The following NRXN1 variants were observed in gnomAD, a reference collection of about 807,000 sequenced individuals.
NRXN1 encodes the protein neurexin 1, also known as neurexin-1.
A neutral mutation model predicts 150.9 loss-of-function variants in NRXN1; 39 were observed. That is an observed-to-expected ratio of 0.26 (90% CI 0.20 to 0.34). NRXN1 has a LOEUF of 0.34. Ranked by LOEUF, NRXN1 falls within the 10% of genes least tolerant of loss-of-function variation. The pLI, the probability that NRXN1 is intolerant of heterozygous loss-of-function variation, is 1.00. For missense variants in NRXN1, 1,815 were observed against 1,949.9 expected (o/e 0.93, Z 1.30); for synonymous variants, 924 against 757.0 (o/e 1.22, Z -3.62).
At chr2:50,551,077 G>GAAGAAGAAGAAGAAGAAGAA (rs1553775815) in intron 9 of NRXN1, among the ~76,000 whole-genome samples, 38 of 52,362 alleles carry the variant, frequency 7.3e-4, no homozygotes, top group African/African-American at 3.4e-3. Flanking sequence ...AAGAAGAAGA[G>GAAGAAGAAGAAGAAGAAGAA]GAGGAGGAGG....
Position 50,868,141 on chromosome 2 carries a change from TTATATATATATATATATATATA to T in NRXN1, c.832+53706_832+53727del, listed in dbSNP as rs70958631. Among the ~76,000 whole-genome samples the T allele has an allele frequency of 6.4e-3, 560 of 87,718 alleles. 7 individuals are homozygous for T. Among genetic ancestry groups the T allele is most frequent in the Admixed American group, 0.03 (293 of 9,872 alleles). The allele number at this position is 87,718 out of a possible 152,430, so 57.5% of individuals were successfully genotyped here. On this transcript the variant is annotated intron_variant, in intron 5 of 22. Transcript: ENST00000401669. ...ACTGGATGAATGGATAAACAAAATA[TTATATATATATATATATATATA>T]TATATATATATATATATATATATAT...
rs1318786315 is a variant in NRXN1 at position 50,053,568 on chromosome 2, A to G, written c.3831T>C (p.Asn1277=). The G allele has an allele frequency of 6.2e-7, 1 of 1,613,896 alleles. No individual in the cohort carries two copies. The highest frequency in any genetic ancestry group is 8.5e-7 in the Non-Finnish European group (1 of 1,179,928). ...CGCCAATTATTATGGTTGCTTGGCT[A>G]TTGAAGATTGTGAGCTGACGCCCTG... The part of the protein sequence containing the change: ...LDKGRQLTIF[N]SQATIIIGGK... Residue 1277 remains asparagine (N), a synonymous_variant, in exon 21 of 23, where the codon AAT becomes AAC. Transcript: ENST00000401669.
intron 21 of NRXN1, among the ~76,000 whole-genome samples, chr2:49,993,484 C>T (rs1352564793): frequency 6.6e-6 from 1 of 152,100 alleles, no homozygotes; most frequent in Non-Finnish European, 1.5e-5. Flanking sequence ...ATAATAGATC[C>T]ATGCCATGAT....
intron 5 of NRXN1, among the ~76,000 whole-genome samples, chr2:50,830,578 T>C (rs1387260491): frequency 6.6e-6 from 1 of 151,570 alleles, no homozygotes; most frequent in Non-Finnish European, 1.5e-5. Context: ...AACACATTCA[T>C]TTCCACATGA....
chr2:50,544,282 A>G (rs945695509), intron 9 of NRXN1, among the ~76,000 whole-genome samples: 2 of 152,084 alleles, frequency 1.3e-5, no homozygotes, highest in South Asian at 2.1e-4. Context: ...TGTAAAATGT[A>G]AAATATATAA....
intron 5 of NRXN1, among the ~76,000 whole-genome samples, chr2:50,888,834 T>C (rs1189703535): frequency 6.6e-6 from 1 of 151,640 alleles, no homozygotes; most frequent in Non-Finnish European, 1.5e-5. Flanking sequence ...ATTACCTACA[T>C]TCTATCTCTG....
intron 16 of NRXN1, 115 bp from the exon 17 acceptor site, chr2:50,465,676 G>C: frequency 8.9e-7 from 1 of 1,120,534 alleles, no homozygotes; most frequent in South Asian, 2.1e-5. Flanking sequence ...GTCCAAACTA[G>C]TTTTTAAAGT....
chr2:49,931,577 A>G (rs1241195094), intron 22 of NRXN1, among the ~76,000 whole-genome samples: 2 of 151,866 alleles, frequency 1.3e-5, no homozygotes, highest in Admixed American at 6.6e-5. Flanking sequence ...TCCTGTTGCT[A>G]TTGGAATTGA....
intron 5 of NRXN1, chr2:50,917,725 G>A (rs1456315036): frequency 6.6e-6 from 1 of 151,754 alleles, no homozygotes; most frequent in South Asian, 2.1e-4. Flanking sequence ...ACTGGACACC[G>A]ACTGTGTCAG....
Position 50,661,338 on chromosome 2 carries a change from G to C in NRXN1, c.833-37723C>G, listed in dbSNP as rs146051311. 6.8e-4 allele frequency among the ~76,000 whole-genome samples: 104 copies of C among 152,120 alleles called. 1 individual carries two copies. In the East Asian group the frequency reaches 0.019, roughly 28 times the overall value. On this transcript the variant is annotated intron_variant, in intron 5 of 22. Coordinates refer to ENST00000401669, the MANE Select transcript of NRXN1 (RefSeq NM_001330078.2). ...CCTACTTTTAGACGTGCATTTTTTT[G>C]TGGAGATTGCTTCCTCACCTGAGCC...
intron 2 of NRXN1, among the ~76,000 whole-genome samples, chr2:51,020,455 A>G (rs1296483854): frequency 6.6e-6 from 1 of 152,014 alleles, no homozygotes; most frequent in Non-Finnish European, 1.5e-5. Context: ...CTGGGCATAA[A>G]TGATCTAAAA....
chr2:50,975,712 G>A (rs1254129330), intron 2 of NRXN1, among the ~76,000 whole-genome samples: 4 of 151,962 alleles, frequency 2.6e-5, no homozygotes, highest in African/African-American at 4.8e-5. Flanking sequence ...TGACCCTTCC[G>A]GATTCCTTGA....
At chr2:51,023,709 T>A (rs966703736) in intron 2 of NRXN1, among the ~76,000 whole-genome samples, 1 of 152,186 alleles carries the variant, frequency 6.6e-6, no homozygotes, top group Non-Finnish European at 1.5e-5. Flanking sequence ...TTTTATTGCT[T>A]AAGCCTAGTA....
chr2:50,693,350 G>C (rs182497402), intron 5 of NRXN1, among the ~76,000 whole-genome samples: 11 of 152,130 alleles, frequency 7.2e-5, no homozygotes, highest in Admixed American at 6.6e-4. Context: ...TGTGGTAAAG[G>C]CCAGCTCCAC....
chr2:50,070,769 C>CA (rs546500232), intron 19 of NRXN1, among the ~76,000 whole-genome samples: 51,527 of 93,746 alleles, frequency 0.55, 13,836 homozygotes, highest in East Asian at 0.61. Flanking sequence ...GACTCCGTCT[C>CA]AAAAAAAAAA....
intron 17 of NRXN1, among the ~76,000 whole-genome samples, chr2:50,358,720 C>T (rs1216429655): frequency 6.6e-6 from 1 of 152,250 alleles, no homozygotes; most frequent in Non-Finnish European, 1.5e-5. Context: ...CAGCACATCG[C>T]TGGAGCTCTG....
At chr2:50,507,686 A>G (rs2092297351) in intron 12 of NRXN1, among the ~76,000 whole-genome samples, 1 of 151,420 alleles carries the variant, frequency 6.6e-6, no homozygotes, top group Non-Finnish European at 1.5e-5. Flanking sequence ...ACATAACCAG[A>G]TATTTTTATT....
chr2:50,151,148 T>C (rs2058672177), intron 18 of NRXN1, among the ~76,000 whole-genome samples: 2 of 151,702 alleles, frequency 1.3e-5, no homozygotes, highest in South Asian at 4.2e-4. Flanking sequence ...ACCAGATTGA[T>C]TTCTGACAGT....
chr2:50,249,752 C>T (rs955623852), intron 17 of NRXN1, among the ~76,000 whole-genome samples: 5 of 151,962 alleles, frequency 3.3e-5, no homozygotes, highest in African/African-American at 9.7e-5. Flanking sequence ...ATTCTCCTGC[C>T]TCAGCCTCCC....
Sources: gnomAD v4.1 joint callset for allele counts (sites outside exome capture counted in the v4.1 genomes callset) on GRCh38, gnomAD v4.1.1 for gene constraint, MANE v1.5 for transcripts, NCBI Gene and HGNC (gene_info 2026-07-23, HGNC 2026-07-21) for gene names.